The following TMEM217B variants were observed in gnomAD, a reference collection of about 807,000 sequenced individuals.
TMEM217B encodes the protein transmembrane protein 217B.
chr6:37,241,324 G>A, the TMEM217B span, among the ~76,000 whole-genome samples: 4 of 151,972 alleles, frequency 2.6e-5, no homozygotes, highest in Admixed American at 2.0e-4. Context: ...GAAAAAAAAG[G>A]TGGCTGTCTA....
chr6:37,250,251 T>C, the TMEM217B span, among the ~76,000 whole-genome samples: 1 of 152,120 alleles, frequency 6.6e-6, no homozygotes, highest in Non-Finnish European at 1.5e-5. Flanking sequence ...AGTGGTTACA[T>C]CTGAAAGAGA....
the TMEM217B span, among the ~76,000 whole-genome samples, chr6:37,219,345 A>C: frequency 6.6e-6 from 1 of 152,152 alleles, no homozygotes; most frequent in Admixed American, 6.5e-5. Context: ...CAATCACAAC[A>C]TTCTCTGGTT....
chr6:37,247,143 A>C, the TMEM217B span, among the ~76,000 whole-genome samples: 1 of 152,234 alleles, frequency 6.6e-6, no homozygotes, highest in Non-Finnish European at 1.5e-5. Context: ...ATATGGCCTT[A>C]GAAGTCTACT....
chr6:37,256,562 C>G, the TMEM217B span, among the ~76,000 whole-genome samples: 1 of 152,082 alleles, frequency 6.6e-6, no homozygotes, highest in Non-Finnish European at 1.5e-5. Context: ...GTAAAAATAG[C>G]CCTTGTCATC....
At chr6:37,215,895 G>T in the TMEM217B span, among the ~76,000 whole-genome samples, 44 of 152,254 alleles carry the variant, frequency 2.9e-4, no homozygotes, top group East Asian at 3.9e-3. Context: ...GAGCAGAGGG[G>T]AAGGCTGTAT....
chr6:37,248,240 C>G, the TMEM217B span, among the ~76,000 whole-genome samples: 9 of 152,108 alleles, frequency 5.9e-5, no homozygotes, highest in African/African-American at 2.2e-4. Flanking sequence ...AGATTATACA[C>G]TTGTTGAGGA....
the TMEM217B span, among the ~76,000 whole-genome samples, chr6:37,239,680 A>G: frequency 1.3e-5 from 2 of 152,128 alleles, no homozygotes; most frequent in Non-Finnish European, 2.9e-5. Context: ...TTGACTTGTG[A>G]TCTCAGTAGA....
At chr6:37,233,545 T>C in the TMEM217B span, among the ~76,000 whole-genome samples, 1 of 152,198 alleles carries the variant, frequency 6.6e-6, no homozygotes, top group Non-Finnish European at 1.5e-5. Context: ...AGGGCATTAA[T>C]CTCATTCACA....
the TMEM217B span, among the ~76,000 whole-genome samples, chr6:37,252,649 T>A: frequency 8.2e-3 from 1,117 of 136,538 alleles, 6 homozygotes; most frequent in Middle Eastern, 0.047. Context: ...TTTTTTTTTT[T>A]TTTTTTTTTT....
the TMEM217B span, chr6:37,218,209 A>C: frequency 7.8e-7 from 1 of 1,287,340 alleles, no homozygotes; most frequent in Non-Finnish European, 9.8e-7. Context: ...TTACTCTGTC[A>C]CTCAGGCTGA....
the TMEM217B span, chr6:37,213,120 G>T: frequency 1.4e-6 from 1 of 693,884 alleles, no homozygotes; most frequent in Non-Finnish European, 2.4e-6. Context: ...CAGGCAATAG[G>T]CTGGAAGTTA....
At chr6:37,219,453 G>T in the TMEM217B span, among the ~76,000 whole-genome samples, 1 of 152,112 alleles carries the variant, frequency 6.6e-6, no homozygotes, top group African/African-American at 2.4e-5. Context: ...CTTAAATTAT[G>T]CTCTTAGCTG....
At chr6:37,225,901 T>C in the TMEM217B span, among the ~76,000 whole-genome samples, 680 of 152,320 alleles carry the variant, frequency 4.5e-3, 4 homozygotes, top group African/African-American at 0.015. Context: ...TCCTGTTTTT[T>C]AGCCATGATT....
At chr6:37,223,117 A>AGGAGAAG in the TMEM217B span, among the ~76,000 whole-genome samples, 1 of 152,088 alleles carries the variant, frequency 6.6e-6, no homozygotes, top group Admixed American at 6.6e-5. Flanking sequence ...GAAAATATGA[A>AGGAGAAG]GGAGAAGTTA....
the TMEM217B span, chr6:37,215,102 C>A: frequency 6.6e-7 from 1 of 1,515,180 alleles, no homozygotes; most frequent in Non-Finnish European, 8.9e-7. Flanking sequence ...TCTCCACCCT[C>A]GGCACCTCTC....
chr6:37,220,894 TTG>T, the TMEM217B span, among the ~76,000 whole-genome samples: 4 of 152,110 alleles, frequency 2.6e-5, no homozygotes, highest in African/African-American at 7.2e-5. Flanking sequence ...TTTAAAATTT[TTG>T]TTTTACTTTT....
chr6:37,257,558 C>T, the TMEM217B span: 1 of 325,558 alleles, frequency 3.1e-6, no homozygotes, highest in Non-Finnish European at 5.8e-6. Context: ...CCATAGGTCC[C>T]TTACCTTACC....
At chr6:37,224,996 T>C in the TMEM217B span, among the ~76,000 whole-genome samples, 11 of 149,598 alleles carry the variant, frequency 7.4e-5, no homozygotes, top group African/African-American at 2.5e-4. Flanking sequence ...CTGCCCAACA[T>C]GGCCCATCTC....
At chr6:37,226,655 A>G in the TMEM217B span, among the ~76,000 whole-genome samples, 1 of 150,818 alleles carries the variant, frequency 6.6e-6, no homozygotes, top group African/African-American at 2.4e-5. Flanking sequence ...CTCGCCTCCC[A>G]GGTTAAAGCG....
Sources: allele counts gnomAD v4.1 joint callset (sites outside exome capture counted in the v4.1 genomes callset), GRCh38; gene constraint gnomAD v4.1.1; transcripts MANE v1.5; gene names NCBI Gene and HGNC (gene_info 2026-07-23, HGNC 2026-07-21).